Variants in ZNF503 observed in about 807,000 individuals in gnomAD.
The protein encoded by ZNF503 is NocA-like zinc finger 2.
In ZNF503, 15 loss-of-function variants were observed where a neutral mutation model predicts 34.4. The observed-to-expected ratio is 0.44, with a 90% CI of 0.29 to 0.67. The LOEUF is 0.67. Ranked by LOEUF, ZNF503 falls within the 30% of genes least tolerant of loss-of-function variation. ZNF503 has a pLI of 0.13. For synonymous variants in ZNF503, 580 were observed against 456.8 expected (o/e 1.27, Z -3.44); for missense variants, 1,007 against 926.8 (o/e 1.09, Z -1.12).
the ZNF503 span, among the ~76,000 whole-genome samples, chr10:75,323,887 A>G: frequency 2.0e-5 from 3 of 151,198 alleles, no homozygotes; most frequent in Admixed American, 1.3e-4. Flanking sequence ...CTGTAATCCC[A>G]GCTACTTGGG....
Position 75,399,515 on chromosome 10 carries a change from GCCC to G in ZNF503, c.1172_1174del (p.Gly391del). 1 of 1,580,170 alleles carries G rather than the reference GCCC, an allele frequency of 6.3e-7. No individual in the cohort carries two copies. The highest frequency in any genetic ancestry group is 8.5e-7 in the Non-Finnish European group (1 of 1,170,312). On this transcript the variant is annotated inframe_deletion, in exon 2 of 2. Transcript: ENST00000372524. ...CCCGGCCGCGGCCGCCGCCAGCTGC[GCCC>G]CCACCAGGCTGCCCGGCTTGGTGGG...
the ZNF503 span, among the ~76,000 whole-genome samples, chr10:75,339,557 C>T: frequency 4.6e-5 from 7 of 152,134 alleles, no homozygotes; most frequent in South Asian, 2.1e-4. Context: ...TGCTGTGACA[C>T]GCTGGTGGGG....
chr10:75,327,096 T>C, the ZNF503 span, among the ~76,000 whole-genome samples: 1 of 152,362 alleles, frequency 6.6e-6, no homozygotes, highest in African/African-American at 2.4e-5. Context: ...ATTCAAAATC[T>C]GCTTTTCTAG....
the ZNF503 span, chr10:75,343,095 C>A: frequency 6.6e-6 from 1 of 152,160 alleles, no homozygotes; most frequent in Non-Finnish European, 1.5e-5. Flanking sequence ...CCCAAGCCTC[C>A]CCTGGACAGG....
chr10:75,324,098 T>G, the ZNF503 span, among the ~76,000 whole-genome samples: 5 of 150,742 alleles, frequency 3.3e-5, no homozygotes, highest in Admixed American at 6.6e-5. Context: ...TTGCAAATAT[T>G]TTCTTGCAAT....
At chr10:75,297,493 A>T in the ZNF503 span, among the ~76,000 whole-genome samples, 1 of 152,338 alleles carries the variant, frequency 6.6e-6, no homozygotes, top group South Asian at 2.1e-4. Context: ...CATTCATTTC[A>T]GTAGCTGTAT....
the ZNF503 span, among the ~76,000 whole-genome samples, chr10:75,342,778 A>G: frequency 6.6e-6 from 1 of 152,024 alleles, no homozygotes; most frequent in Non-Finnish European, 1.5e-5. Flanking sequence ...TTGGTGTTAG[A>G]CTGAACCCTT....
rs1221659297 is a variant in ZNF503, at chr10:75,400,087, G to A, written c.603C>T (p.Gly201=). 7.5e-6 allele frequency: 6 copies of A among 802,680 alleles called. No individual in the cohort carries two copies. Among genetic ancestry groups the A allele is most frequent in the East Asian group, 6.7e-5 (1 of 14,982 alleles). The allele number at this position is 802,680 out of a possible 1,614,324, so 49.7% of individuals were successfully genotyped here. Residue 201 remains glycine (G), a synonymous_variant, in exon 2 of 2, where the codon GGC becomes GGT. Coordinates refer to ENST00000372524, the MANE Select transcript of ZNF503 (RefSeq NM_032772.6). The stretch of plus-strand genomic sequence containing the variant: ...ACTTCTCCGACGAAACACCCCCGCC[G>A]CCGCCCCCGCCACCGCCACCGCCTC... ...GGGGGGGGGG[G]GGGVSSEKSG...
At chr10:75,320,928 A>G in the ZNF503 span, among the ~76,000 whole-genome samples, 1 of 152,178 alleles carries the variant, frequency 6.6e-6, no homozygotes, top group East Asian at 1.9e-4. Context: ...TGGGGAAGTT[A>G]GGTAAAGGGT....
chr10:75,350,065 G>A, the ZNF503 span, among the ~76,000 whole-genome samples: 1 of 152,166 alleles, frequency 6.6e-6, no homozygotes, highest in Non-Finnish European at 1.5e-5. Flanking sequence ...GCATAATCAC[G>A]TATTTCTCTT....
chr10:75,304,294 A>T, the ZNF503 span, among the ~76,000 whole-genome samples: 1 of 152,204 alleles, frequency 6.6e-6, no homozygotes, highest in Non-Finnish European at 1.5e-5. Context: ...TAAAGCCTCT[A>T]ACATTTTCTT....
chr10:75,300,852 T>G, the ZNF503 span, among the ~76,000 whole-genome samples: 1 of 151,798 alleles, frequency 6.6e-6, no homozygotes, highest in Non-Finnish European at 1.5e-5. Context: ...ACTACAGACG[T>G]GTGCCACTAC....
chr10:75,374,346 C>T, the ZNF503 span, among the ~76,000 whole-genome samples: 1 of 152,106 alleles, frequency 6.6e-6, no homozygotes, highest in Non-Finnish European at 1.5e-5. Flanking sequence ...AAGTAAGTCA[C>T]GTCCACTGTT....
At chr10:75,381,082 T>C in the ZNF503 span, among the ~76,000 whole-genome samples, 1 of 152,248 alleles carries the variant, frequency 6.6e-6, no homozygotes, top group Non-Finnish European at 1.5e-5. Flanking sequence ...GATTTGTAAT[T>C]GATTTTAACA....
downstream of ZNF503, among the ~76,000 whole-genome samples, chr10:75,394,742 G>C (rs1168211617): frequency 6.6e-6 from 1 of 152,222 alleles, no homozygotes; most frequent in Non-Finnish European, 1.5e-5. Context: ...GTGGAAGTAG[G>C]AGTGAAAGTG....
Position 75,399,636 on chromosome 10 carries a change from G to C in ZNF503, c.1054C>G (p.Leu352Val). The change falls in exon 2 of 2, where the codon CTG becomes GTG. Residue 352 changes from leucine (L) to valine (V), a missense_variant. By Grantham distance (32) the Leu-to-Val change is conservative (BLOSUM62 1). Transcript: ENST00000372524. ...GGGTAGGTCATACCCGCGGGAGGCA[G>C]AGGGAACACTGTCTGGCCCGGCTTG... ...PYKPGQTVFP[L>V]PPAGMTYPGS... 1.9e-6 allele frequency: 3 copies of C among 1,598,988 alleles called. No homozygotes were observed. The South Asian group carries it at 3.3e-5, about 18-fold the overall frequency.
chr10:75,390,663 C>G, the ZNF503 span, among the ~76,000 whole-genome samples: 244 of 152,290 alleles, frequency 1.6e-3, 2 homozygotes, highest in African/African-American at 5.6e-3. Flanking sequence ...CACCAAAGGT[C>G]GGCAACAAGA....
the ZNF503 span, among the ~76,000 whole-genome samples, chr10:75,365,814 T>C: frequency 6.6e-6 from 1 of 152,194 alleles, no homozygotes; most frequent in African/African-American, 2.4e-5. Flanking sequence ...AGTAACTGTC[T>C]GCTTAGGTTG....
the ZNF503 span, among the ~76,000 whole-genome samples, chr10:75,388,089 C>T: frequency 6.6e-6 from 1 of 152,118 alleles, no homozygotes; most frequent in African/African-American, 2.4e-5. Flanking sequence ...ATTACACTCA[C>T]CCTAAATACC....
Sources: gnomAD v4.1 joint callset for allele counts (sites outside exome capture counted in the v4.1 genomes callset) on GRCh38, gnomAD v4.1.1 for gene constraint, MANE v1.5 for transcripts, NCBI Gene and HGNC (gene_info 2026-07-23, HGNC 2026-07-21) for gene names.